Variants in HHAT observed in about 807,000 individuals in gnomAD.
The protein encoded by HHAT is protein-cysteine N-palmitoyltransferase HHAT.
A neutral mutation model predicts 70.8 loss-of-function variants in HHAT; 47 were observed. The observed-to-expected ratio is 0.66, with a 90% CI of 0.53 to 0.85. HHAT has a LOEUF of 0.85. HHAT is among the 40% of genes least tolerant of loss of function. The probability of loss-of-function intolerance (pLI) is 0.00; values close to 1 mark genes in which losing one functional copy is unlikely to be tolerated. For synonymous variants in HHAT, 228 were observed against 247.6 expected (o/e 0.92, Z 0.74); for missense variants, 609 against 604.8 (o/e 1.01, Z -0.07).
chr1:210,454,692 T>C (rs900926415), intron 7 of HHAT, among the ~76,000 whole-genome samples: 2 of 152,238 alleles, frequency 1.3e-5, no homozygotes, highest in African/African-American at 2.4e-5. Context: ...CAGCAGGTGA[T>C]ATCCTGAGGA....
intron 11 of HHAT, among the ~76,000 whole-genome samples, chr1:210,637,647 G>T (rs1417944757): frequency 2.6e-5 from 4 of 152,132 alleles, no homozygotes; most frequent in Non-Finnish European, 5.9e-5. Context: ...GGATAATGAG[G>T]TCAAGAGATC....
intron 9 of HHAT, among the ~76,000 whole-genome samples, chr1:210,547,881 AGT>A (rs1015410873): frequency 2.6e-5 from 4 of 152,176 alleles, no homozygotes; most frequent in African/African-American, 7.2e-5. Flanking sequence ...GGACATCTTA[AGT>A]GTGTGTGTAC....
At chr1:210,358,323 G>A (rs1019564732) in intron 2 of HHAT, among the ~76,000 whole-genome samples, 1 of 152,230 alleles carries the variant, frequency 6.6e-6, no homozygotes, top group African/African-American at 2.4e-5. Flanking sequence ...AATTTCTCAG[G>A]TGAGTGGCAG....
At chr1:210,448,449 A>AT (rs2093680429) in intron 7 of HHAT, among the ~76,000 whole-genome samples, 4 of 152,146 alleles carry the variant, frequency 2.6e-5, no homozygotes, top group Admixed American at 2.6e-4. Context: ...TCTTAGCGTA[A>AT]TAGTTTAGGG....
intron 9 of HHAT, among the ~76,000 whole-genome samples, chr1:210,517,806 T>C (rs1243935887): frequency 1.3e-5 from 2 of 151,772 alleles, no homozygotes; most frequent in African/African-American, 2.4e-5. Context: ...CATAAATATA[T>C]ACAATTTTTG....
intron 8 of HHAT, among the ~76,000 whole-genome samples, chr1:210,489,088 C>T (rs887652293): frequency 6.6e-6 from 1 of 152,188 alleles, no homozygotes; most frequent in African/African-American, 2.4e-5. Context: ...AACGTTCTTT[C>T]TACCTGTATG....
intron 8 of HHAT, among the ~76,000 whole-genome samples, chr1:210,491,268 C>G (rs1055504876): frequency 6.6e-6 from 1 of 152,150 alleles, no homozygotes; most frequent in Non-Finnish European, 1.5e-5. Context: ...TGAGCCCTCT[C>G]CCTCTGTGCT....
At chr1:210,396,275 G>GTTCC (rs2148181185) in intron 4 of HHAT, among the ~76,000 whole-genome samples, 1 of 152,308 alleles carries the variant, frequency 6.6e-6, no homozygotes, top group African/African-American at 2.4e-5. Flanking sequence ...GGTCAGAGTA[G>GTTCC]TTCCGGTGGG....
chr1:210,648,680 A>G lies in HHAT; in HGVS notation c.1390+25010A>G, dbSNP rs1054589727. Among the ~76,000 whole-genome samples the G allele has an allele frequency of 2.0e-5, 3 of 152,336 alleles. No homozygotes were observed. The South Asian group carries it at 6.2e-4, about 32-fold the overall frequency. On this transcript the variant is annotated intron_variant, in intron 11 of 11. Transcript: ENST00000261458. The stretch of plus-strand genomic sequence containing the variant: ...AGCTGATTGATTATGCACAACACGC[A>G]TTCTCCAGAACATGCATTTTCCAGC...
chr1:210,557,583 A>G (rs1379901903), intron 9 of HHAT, among the ~76,000 whole-genome samples: 1 of 152,318 alleles, frequency 6.6e-6, no homozygotes, highest in East Asian at 1.9e-4. Flanking sequence ...CACATGGTTG[A>G]GGAGGCCTCA....
At chr1:210,397,156 G>A (rs2091834959) in intron 4 of HHAT, among the ~76,000 whole-genome samples, 1 of 152,146 alleles carries the variant, frequency 6.6e-6, no homozygotes, top group African/African-American at 2.4e-5. Flanking sequence ...AGTATACAAG[G>A]GATGTCTCTT....
rs560150851 is a variant in HHAT at position 210,621,812 on chromosome 1, G to T, written c.1246-1714G>T. Among the ~76,000 whole-genome samples, 3 of 152,298 alleles carry T rather than the reference G, an allele frequency of 2.0e-5. No individual in the cohort carries two copies. In the South Asian group the frequency reaches 6.2e-4, roughly 32 times the overall value. ...CCCTACATCACTGGAGAGCATTCCA[G>T]AACAACCATGATCGGGCAGACATCT... On this transcript the variant is annotated intron_variant, in intron 10 of 11. Transcript: ENST00000261458.
chr1:210,460,162 C>T (rs1462720970), intron 7 of HHAT, among the ~76,000 whole-genome samples: 1 of 152,118 alleles, frequency 6.6e-6, no homozygotes, highest in Non-Finnish European at 1.5e-5. Flanking sequence ...AATGGCAGAC[C>T]ACCTTTGGAA....
chr1:210,584,786 AC>A (rs1331972181), intron 9 of HHAT, among the ~76,000 whole-genome samples: 1 of 152,170 alleles, frequency 6.6e-6, no homozygotes, highest in Non-Finnish European at 1.5e-5. Context: ...TCTACTTTGT[AC>A]CATGTCACAT....
intron 7 of HHAT, among the ~76,000 whole-genome samples, chr1:210,460,586 C>T (rs992821474): frequency 6.6e-6 from 1 of 152,158 alleles, no homozygotes; most frequent in African/African-American, 2.4e-5. Context: ...GACCGTAACA[C>T]TCTATAAGGG....
At chr1:210,614,459 T>C (rs530499356) in intron 10 of HHAT, among the ~76,000 whole-genome samples, 2 of 152,286 alleles carry the variant, frequency 1.3e-5, no homozygotes, top group East Asian at 3.9e-4. Context: ...ATGTGCACAA[T>C]GTGCAGGTTT....
chr1:210,431,562 A>G (rs1225530180), intron 7 of HHAT, among the ~76,000 whole-genome samples: 1 of 151,908 alleles, frequency 6.6e-6, no homozygotes, highest in East Asian at 1.9e-4. Flanking sequence ...ATTGCCAGAA[A>G]TGGAAATTCC....
At chr1:210,586,108 G>T (rs1213331352) in intron 9 of HHAT, among the ~76,000 whole-genome samples, 1 of 152,088 alleles carries the variant, frequency 6.6e-6, no homozygotes, top group East Asian at 1.9e-4. Flanking sequence ...AAGATTTATT[G>T]CCTGATAAGT....
At chr1:210,646,599 T>TA (rs1674124475) in intron 11 of HHAT, among the ~76,000 whole-genome samples, 2 of 152,250 alleles carry the variant, frequency 1.3e-5, no homozygotes, top group African/African-American at 4.8e-5. Context: ...CAATATTTTT[T>TA]ATCACACTAA....
Sources: gnomAD v4.1 joint callset for allele counts (sites outside exome capture counted in the v4.1 genomes callset) on GRCh38, gnomAD v4.1.1 for gene constraint, MANE v1.5 for transcripts, NCBI Gene and HGNC (gene_info 2026-07-23, HGNC 2026-07-21) for gene names.